RAD54L: variants seen among roughly 807,000 people sequenced by gnomAD.
RAD54L encodes the protein DNA repair and recombination protein RAD54-like.
RAD54L carries 74 observed loss-of-function variants against 91.6 expected under a neutral mutation model. The observed-to-expected ratio is 0.81, with a 90% CI of 0.67 to 0.98. The LOEUF (loss-of-function observed/expected upper bound fraction) is 0.98, where lower values mean the gene tolerates loss of function less well. Among genes scored for constraint, RAD54L ranks in the 50% least tolerant of loss-of-function variants. RAD54L has a pLI of 0.00. For missense variants in RAD54L, 887 were observed against 945.7 expected (o/e 0.94, Z 0.81); for synonymous variants, 304 against 349.7 (o/e 0.87, Z 1.46).
intron 3 of RAD54L, among the ~76,000 whole-genome samples, chr1:46,251,046 C>T (rs529830715): frequency 1.3e-4 from 20 of 151,662 alleles, no homozygotes; most frequent in African/African-American, 4.4e-4. Flanking sequence ...CAGTGGCTCA[C>T]GCCTGTAATC....
At chr1:46,260,697 C>G in intron 6 of RAD54L, 30 bp from the exon 7 acceptor site, 1 of 1,614,142 alleles carries the variant, frequency 6.2e-7, no homozygotes, top group Non-Finnish European at 8.5e-7. Flanking sequence ...GCGTAGGTGC[C>G]AAAGTGGACT....
Position 46,247,945 on chromosome 1 carries a change from A to C in RAD54L, c.-461A>C. The C allele has an allele frequency of 3.6e-6, 1 of 275,196 alleles. No individual in the cohort carries two copies. The highest frequency in any genetic ancestry group is 7.2e-6 in the Non-Finnish European group (1 of 139,162). 17.0% of individuals were successfully genotyped at this position (275,196 alleles called of 1,614,324 possible). A position where few individuals can be genotyped will look rare whatever the true frequency, so the allele number is the denominator to read the frequency against. Reference sequence around the variant, plus strand: ...TGGTTTCCACCTCCAGCCCTGGGAAATTTCCTTTCTCCAGACTCGCCCTCC... The same window carrying C: ...TGGTTTCCACCTCCAGCCCTGGGAACTTTCCTTTCTCCAGACTCGCCCTCC... On this transcript the variant is annotated 5_prime_UTR_variant, in exon 1 of 18. Transcript: ENST00000371975.
rs28363239 is a variant in RAD54L, at chr1:46,273,655, G to T, written c.1518G>T (p.Ala506=). The change falls in exon 14 of 18, where the codon GCG becomes GCT. Residue 506 remains alanine (A), a synonymous_variant. Coordinates refer to ENST00000371975, the MANE Select transcript of RAD54L (RefSeq NM_003579.4). ...TGCTGGTCCTGGATTATATTCTGGC[G>T]GTGACCCGAAGCCGTAGCAGTGACA... ...GKMLVLDYIL[A]VTRSRSSDKV... is the part of the protein sequence containing the mutation. The T allele has an allele frequency of 2.0e-5, 32 of 1,613,774 alleles. No individual in the cohort carries two copies. Among genetic ancestry groups the T allele is most frequent in the Non-Finnish European group, 2.7e-5 (32 of 1,180,032 alleles).
intron 3 of RAD54L, 68 bp downstream of exon 3, chr1:46,250,187 C>T: frequency 6.3e-7 from 1 of 1,594,000 alleles, no homozygotes; most frequent in Non-Finnish European, 8.6e-7. Flanking sequence ...AGACTCCTGT[C>T]CCTGTACACT....
chr1:46,269,538 G>C (rs927476814), intron 9 of RAD54L, among the ~76,000 whole-genome samples: 4 of 151,952 alleles, frequency 2.6e-5, no homozygotes, highest in Middle Eastern at 3.2e-3. Context: ...GAACTCTTGA[G>C]CTCAAGCAAT....
chr1:46,278,031 A>G (rs751323520), intron 17 of RAD54L, 41 bp from the exon 18 acceptor site: 1 of 1,614,042 alleles, frequency 6.2e-7, no homozygotes, highest in South Asian at 1.1e-5. Context: ...CAGTAGGGAG[A>G]TGGGATCTGT....
At chr1:46,275,533 A>T (rs994675267) in intron 16 of RAD54L, among the ~76,000 whole-genome samples, 3 of 149,022 alleles carry the variant, frequency 2.0e-5, no homozygotes, top group Admixed American at 2.0e-4. Context: ...CCCAATACCC[A>T]TTCCAATTGG....
chr1:46,250,499 G>A (rs1250694948), intron 3 of RAD54L, among the ~76,000 whole-genome samples: 1 of 152,188 alleles, frequency 6.6e-6, no homozygotes, highest in Non-Finnish European at 1.5e-5. Flanking sequence ...ATTGCCTCAT[G>A]TAATTCTCAC....
At chr1:46,277,615 A>AGAC in intron 16 of RAD54L, 1 of 634,784 alleles carries the variant, frequency 1.6e-6, no homozygotes, top group Non-Finnish European at 2.7e-6. Flanking sequence ...CTGGGTGGGC[A>AGAC]GACTATTCAT....
At chr1:46,270,538 T>G in intron 9 of RAD54L, 121 bp from the exon 10 acceptor site, 2 of 1,354,846 alleles carry the variant, frequency 1.5e-6, no homozygotes, top group Non-Finnish European at 1.0e-6. Flanking sequence ...TTGGCCTATA[T>G]TTTGTTTAGC....
intron 16 of RAD54L, 109 bp downstream of exon 16, chr1:46,274,826 C>T: frequency 7.7e-7 from 1 of 1,299,932 alleles, no homozygotes; most frequent in Non-Finnish European, 1.1e-6. Context: ...TAGCAGTAGC[C>T]AAGCTATGGG....
chr1:46,261,199 T>C, intron 7 of RAD54L, 62 bp from the exon 8 acceptor site: 2 of 1,596,786 alleles, frequency 1.3e-6, no homozygotes, highest in Non-Finnish European at 1.7e-6. Context: ...CTAATTGTTT[T>C]TTTTGTTTTT....
rs28363232 is a variant in RAD54L, at chr1:46,270,432, C to CT, written c.1043-226dup. Among the ~76,000 whole-genome samples, 712 of 151,976 alleles carry CT rather than the reference C, an allele frequency of 4.7e-3. 6 individuals carry two copies. The highest frequency in any genetic ancestry group is 0.016 in the African/African-American group (651 of 41,502). ...ACTATTCAATCCATTTACATTTACT[C>CT]TAAGTAATTATATATTTGGATTTTA... On this transcript the variant is annotated intron_variant, in intron 9 of 17. Coordinates refer to ENST00000371975, the MANE Select transcript of RAD54L (RefSeq NM_003579.4).
intron 8 of RAD54L, 53 bp from the exon 9 acceptor site, chr1:46,267,406 T>C: frequency 6.2e-7 from 1 of 1,611,438 alleles, no homozygotes; most frequent in Non-Finnish European, 8.5e-7. Context: ...CATGAGACTT[T>C]GCTACCGTAT....
In RAD54L at chr1:46,248,206, C is replaced by T. The variant is rs1379007720; in HGVS notation, c.-200C>T. Reference sequence around the variant, plus strand: ...ATCTCTCGTCTCGGCTTATTGGGGACGGCCACTCTCACAGTTTGGTTCCAA... The same window carrying T: ...ATCTCTCGTCTCGGCTTATTGGGGATGGCCACTCTCACAGTTTGGTTCCAA... On this transcript the variant is annotated 5_prime_UTR_variant, in exon 1 of 18. In the 5' UTR this introduces an upstream ATG that the reference lacks. Coordinates refer to ENST00000371975, the MANE Select transcript of RAD54L (RefSeq NM_003579.4). 1.4e-6 allele frequency: 1 copy of T among 699,900 alleles called. No individual in the cohort carries two copies. Among genetic ancestry groups the T allele is most frequent in the South Asian group, 1.6e-5 (1 of 63,556 alleles). The allele number at this position is 699,900 out of a possible 1,614,324, so 43.4% of individuals were successfully genotyped here.
At chr1:46,272,285 C>T (rs893951229) in intron 10 of RAD54L, among the ~76,000 whole-genome samples, 181 bp from the exon 11 acceptor site, 21 of 151,890 alleles carry the variant, frequency 1.4e-4, no homozygotes, top group Non-Finnish European at 2.6e-4. Context: ...ACAGGTGATC[C>T]GCCCGCCTCA....
At chr1:46,270,941 C>A (rs1476049517) in intron 10 of RAD54L, among the ~76,000 whole-genome samples, 156 bp downstream of exon 10, 1 of 152,134 alleles carries the variant, frequency 6.6e-6, no homozygotes, top group Non-Finnish European at 1.5e-5. Flanking sequence ...ACAAGGGAGT[C>A]TTGGAGGTGA....
chr1:46,274,284 C>G (rs1660528964), intron 15 of RAD54L, 68 bp downstream of exon 15: 4 of 1,502,802 alleles, frequency 2.7e-6, no homozygotes, highest in Non-Finnish European at 3.7e-6. Flanking sequence ...GATAGAGAAG[C>G]TATAAGGGGT....
At chr1:46,257,162 AAC>A (rs1308229455) in intron 3 of RAD54L, among the ~76,000 whole-genome samples, 16 of 151,424 alleles carry the variant, frequency 1.1e-4, no homozygotes, top group African/African-American at 3.9e-4. Flanking sequence ...AAAAAAAAAA[AAC>A]CCCAAAAAAC....
Sources: allele counts gnomAD v4.1 joint callset (sites outside exome capture counted in the v4.1 genomes callset), GRCh38; gene constraint gnomAD v4.1.1; transcripts MANE v1.5; gene names NCBI Gene and HGNC (gene_info 2026-07-23, HGNC 2026-07-21).